GRAP2: variants seen among roughly 807,000 people sequenced by gnomAD.
GRAP2 encodes GRB2 related adaptor protein 2.
In GRAP2, 31 loss-of-function variants were observed where a neutral mutation model predicts 43.5. That is an observed-to-expected ratio of 0.71 (90% CI 0.54 to 0.96). The LOEUF is 0.96. GRAP2 is among the 40% of genes least tolerant of loss of function. GRAP2 has a pLI of 0.00. For synonymous variants in GRAP2, 156 were observed against 164.8 expected, an observed-to-expected ratio of 0.95 and a Z score of 0.41; for missense variants, 371 against 424.4, an observed-to-expected ratio of 0.87 and a Z score of 1.11.
chr22:39,945,326 A>G (rs2066910651), intron 1 of GRAP2, among the ~76,000 whole-genome samples: 1 of 152,228 alleles, frequency 6.6e-6, no homozygotes, highest in South Asian at 2.1e-4. Context: ...AGTCATCTCT[A>G]TAAATTACCT....
At chr22:39,947,957 C>A (rs1262384009) in intron 2 of GRAP2, 1 of 152,070 alleles carries the variant, frequency 6.6e-6, no homozygotes, top group African/African-American at 2.4e-5. Flanking sequence ...CTCAGAGCAC[C>A]CTCAGATAGC....
chr22:39,945,146 C>T (rs1029178302), intron 1 of GRAP2, among the ~76,000 whole-genome samples: 10 of 152,196 alleles, frequency 6.6e-5, no homozygotes, highest in African/African-American at 2.2e-4. Context: ...CGTCCTAGGT[C>T]ACAACAATTT....
chr22:39,962,576 T>C (rs1478959143), intron 4 of GRAP2, among the ~76,000 whole-genome samples: 2 of 152,200 alleles, frequency 1.3e-5, no homozygotes, highest in Non-Finnish European at 2.9e-5. Context: ...CCAAGTAATT[T>C]GTTAGACTGA....
rs531056755 is a variant in GRAP2, at chr22:39,966,178, G to A, written c.459+20G>A. 2.4e-5 allele frequency: 39 copies of A among 1,605,740 alleles called. No homozygotes were observed. Among genetic ancestry groups the A allele is most frequent in the Middle Eastern group, 3.3e-4 (2 of 6,030 alleles). Reference sequence around the variant, plus strand: ...GACCAGGTATGCTCCAGATCCAGTCGACCCCAATCTAGAGATTTTAGGCAG... The same window carrying A: ...GACCAGGTATGCTCCAGATCCAGTCAACCCCAATCTAGAGATTTTAGGCAG... On this transcript the variant is annotated intron_variant, in intron 5 of 7. Coordinates refer to ENST00000344138, the MANE Select transcript of GRAP2 (RefSeq NM_004810.4).
At chr22:39,908,051 T>TA (rs1354957123) in intron 1 of GRAP2, among the ~76,000 whole-genome samples, 2 of 152,322 alleles carry the variant, frequency 1.3e-5, no homozygotes, top group East Asian at 3.9e-4. Context: ...CACGTGATCT[T>TA]AAACAAGTCA....
At chr22:39,946,112 C>T (rs1253134135) in intron 1 of GRAP2, among the ~76,000 whole-genome samples, 1 of 152,222 alleles carries the variant, frequency 6.6e-6, no homozygotes, top group African/African-American at 2.4e-5. Flanking sequence ...CTGCCCGCCT[C>T]GACCTCCCAA....
intron 2 of GRAP2, among the ~76,000 whole-genome samples, chr22:39,952,210 A>G (rs2066992058): frequency 6.6e-6 from 1 of 151,866 alleles, no homozygotes; most frequent in Non-Finnish European, 1.5e-5. Flanking sequence ...TCTTTATGGT[A>G]GAGATCAGGT....
chr22:39,907,741 C>CA (rs569279929), intron 1 of GRAP2, among the ~76,000 whole-genome samples: 4 of 152,108 alleles, frequency 2.6e-5, no homozygotes, highest in Non-Finnish European at 4.4e-5. Context: ...GATCCTGTCT[C>CA]AAAAAATAAA....
intron 1 of GRAP2, among the ~76,000 whole-genome samples, chr22:39,935,286 A>T (rs2066795225): frequency 6.6e-6 from 1 of 152,156 alleles, no homozygotes; most frequent in African/African-American, 2.4e-5. Context: ...TAAACAATTC[A>T]CCAAGCTGTC....
Position 39,968,181 on chromosome 22 carries a change from A to G in GRAP2, c.599A>G (p.His200Arg). The change falls in exon 6 of 8, where the codon CAC (histidine) becomes CGC (arginine). Residue 200 changes from histidine (H) to arginine (R), a missense_variant. By Grantham distance (29) the His-to-Arg change is conservative (BLOSUM62 0). Transcript: ENST00000344138. ...PPTLPLQQHQ[H>R]QPQPPQYAPA... The stretch of plus-strand genomic sequence containing the variant: ...ACCCTTCCCCTGCAGCAGCACCAGC[A>G]CCAGCCACAGCCTCCGCAATATGCC... The G allele has an allele frequency of 6.2e-7, 1 of 1,604,706 alleles. No homozygotes were observed. Among genetic ancestry groups the G allele is most frequent in the Non-Finnish European group, 8.5e-7 (1 of 1,176,342 alleles).
chr22:39,955,571 G>A (rs2067040057), intron 2 of GRAP2, among the ~76,000 whole-genome samples: 1 of 152,170 alleles, frequency 6.6e-6, no homozygotes, highest in Non-Finnish European at 1.5e-5. Context: ...AAGCCACAGT[G>A]GGGTGACATG....
chr22:39,928,878 C>G (rs1217523366), intron 1 of GRAP2, among the ~76,000 whole-genome samples: 1 of 152,148 alleles, frequency 6.6e-6, no homozygotes, highest in Non-Finnish European at 1.5e-5. Flanking sequence ...GCCAAACAGA[C>G]AGTGAAGAGC....
At chr22:39,940,389 T>G (rs908708332) in intron 1 of GRAP2, among the ~76,000 whole-genome samples, 26 of 151,772 alleles carry the variant, frequency 1.7e-4, no homozygotes, top group African/African-American at 5.8e-4. Context: ...GTTTGTTTTT[T>G]TTTTTTTTTT....
upstream of GRAP2, among the ~76,000 whole-genome samples, chr22:39,896,803 T>G (rs926217240): frequency 1.3e-5 from 2 of 152,202 alleles, no homozygotes; most frequent in African/African-American, 2.4e-5. Context: ...CACAATTTAG[T>G]TGCAATACCG....
At chr22:39,914,588 C>T (rs1320386642) in intron 1 of GRAP2, among the ~76,000 whole-genome samples, 1 of 152,180 alleles carries the variant, frequency 6.6e-6, no homozygotes, top group African/African-American at 2.4e-5. Context: ...CATTTCACAT[C>T]ATGTCTCTAA....
chr22:39,910,653 T>G (rs1348165861), intron 1 of GRAP2, among the ~76,000 whole-genome samples: 1 of 151,690 alleles, frequency 6.6e-6, no homozygotes, highest in African/African-American at 2.4e-5. Flanking sequence ...GTGATCCGCC[T>G]GCCTCGGCCT....
chr22:39,945,109 C>T (rs902808990), intron 1 of GRAP2, among the ~76,000 whole-genome samples: 1 of 152,206 alleles, frequency 6.6e-6, no homozygotes, highest in African/African-American at 2.4e-5. Context: ...CTTAGGAGGG[C>T]AGAATACTCC....
chr22:39,907,052 GT>G (rs2066528277), intron 1 of GRAP2, among the ~76,000 whole-genome samples: 1 of 152,158 alleles, frequency 6.6e-6, no homozygotes, highest in Non-Finnish European at 1.5e-5. Context: ...AAATAGATTT[GT>G]TTGAAAATAT....
At chr22:39,912,915 G>C (rs1049701649) in intron 1 of GRAP2, among the ~76,000 whole-genome samples, 2 of 151,954 alleles carry the variant, frequency 1.3e-5, no homozygotes, top group African/African-American at 2.4e-5. Flanking sequence ...CTAAAAGGCC[G>C]GTCACGGTGG....
Sources: gnomAD v4.1 joint callset for allele counts (sites outside exome capture counted in the v4.1 genomes callset) on GRCh38, gnomAD v4.1.1 for gene constraint, MANE v1.5 for transcripts, NCBI Gene and HGNC (gene_info 2026-07-23, HGNC 2026-07-21) for gene names.